Variants in DENND5B observed in about 807,000 individuals in gnomAD.
DENND5B encodes DENN domain containing 5B.
In DENND5B, 34 loss-of-function variants were observed where a neutral mutation model predicts 140.6. That is an observed-to-expected ratio of 0.24 (90% CI 0.18 to 0.32). DENND5B has a LOEUF of 0.32. Ranked by LOEUF, DENND5B falls within the 10% of genes least tolerant of loss-of-function variation. The pLI, the probability that DENND5B is intolerant of heterozygous loss-of-function variation, is 1.00. For missense variants in DENND5B, 1,142 were observed against 1,560.2 expected (o/e 0.73, Z 4.52); for synonymous variants, 551 against 562.1 (o/e 0.98, Z 0.28).
intron 1 of DENND5B, among the ~76,000 whole-genome samples, chr12:31,562,939 T>C (rs1949524641): frequency 6.6e-6 from 1 of 152,102 alleles, no homozygotes; most frequent in African/African-American, 2.4e-5. Flanking sequence ...TTTTTTTTTT[T>C]TTAACAAATT....
chr12:31,490,613 G>GAA (rs10661199), intron 2 of DENND5B, among the ~76,000 whole-genome samples: 3,282 of 148,308 alleles, frequency 0.022, 119 homozygotes, highest in African/African-American at 0.077. Flanking sequence ...CCTGTCTCAA[G>GAA]AAAAAAAAAA....
intron 17 of DENND5B, 37 bp downstream of exon 17, chr12:31,398,138 T>C: frequency 6.5e-7 from 1 of 1,539,922 alleles, no homozygotes; most frequent in East Asian, 2.4e-5. Context: ...GAAGCCTACA[T>C]CATAGGAGCA....
chr12:31,423,316 T>C (rs1477311924), intron 11 of DENND5B, among the ~76,000 whole-genome samples: 1 of 152,130 alleles, frequency 6.6e-6, no homozygotes, highest in Non-Finnish European at 1.5e-5. Flanking sequence ...TACAATTCAT[T>C]GGGGGTTTTC....
At chr12:31,566,971 C>T (rs1288941396) in intron 1 of DENND5B, among the ~76,000 whole-genome samples, 1 of 152,134 alleles carries the variant, frequency 6.6e-6, no homozygotes, top group Non-Finnish European at 1.5e-5. Flanking sequence ...GGTTAGAACC[C>T]AGTGCAAGCA....
At chr12:31,399,053 C>G (rs1941640927) in intron 16 of DENND5B, among the ~76,000 whole-genome samples, 1 of 136,788 alleles carries the variant, frequency 7.3e-6, no homozygotes, top group Non-Finnish European at 1.5e-5. Context: ...ACCTGGGAGG[C>G]AGAGGTTGCA....
At chr12:31,458,768 C>T (rs1353485889) in intron 4 of DENND5B, among the ~76,000 whole-genome samples, 1 of 152,116 alleles carries the variant, frequency 6.6e-6, no homozygotes, top group Non-Finnish European at 1.5e-5. Flanking sequence ...AGGTGAATCT[C>T]AGCATGAGAT....
chr12:31,569,671 G>A (rs181088527), intron 1 of DENND5B, among the ~76,000 whole-genome samples: 1 of 152,210 alleles, frequency 6.6e-6, no homozygotes, highest in Non-Finnish European at 1.5e-5. Context: ...AATTAGCCGA[G>A]TATGGTGGTA....
chr12:31,563,757 T>A (rs933601414), intron 1 of DENND5B, among the ~76,000 whole-genome samples: 1 of 152,202 alleles, frequency 6.6e-6, no homozygotes, highest in African/African-American at 2.4e-5. Flanking sequence ...TGCAAATGCC[T>A]TTTGCAAATA....
At chr12:31,463,711 G>C (rs1304568869) in intron 3 of DENND5B, among the ~76,000 whole-genome samples, 1 of 152,006 alleles carries the variant, frequency 6.6e-6, no homozygotes, top group African/African-American at 2.4e-5. Flanking sequence ...GCCCAGGCTG[G>C]AGCGCAATGG....
intron 1 of DENND5B, among the ~76,000 whole-genome samples, chr12:31,555,087 C>T (rs777916328): frequency 4.6e-5 from 7 of 152,136 alleles, no homozygotes; most frequent in Admixed American, 1.3e-4. Flanking sequence ...AGCTTTGTTC[C>T]GTTGCTGGTG....
intron 17 of DENND5B, among the ~76,000 whole-genome samples, chr12:31,395,000 G>C (rs979082871): frequency 6.6e-6 from 1 of 151,992 alleles, no homozygotes; most frequent in Non-Finnish European, 1.5e-5. Context: ...CTTTTATAGA[G>C]ATCTGATATA....
chr12:31,495,291 A>G (rs1946712435), intron 2 of DENND5B, among the ~76,000 whole-genome samples: 1 of 152,176 alleles, frequency 6.6e-6, no homozygotes, highest in African/African-American at 2.4e-5. Flanking sequence ...TATTGTATAA[A>G]CTTATTAACT....
intron 17 of DENND5B, 39 bp downstream of exon 17, chr12:31,398,136 C>T (rs754170015): frequency 1.3e-6 from 2 of 1,534,764 alleles, no homozygotes; most frequent in South Asian, 1.2e-5. Flanking sequence ...ATGAAGCCTA[C>T]ATCATAGGAG....
Position 31,447,559 on chromosome 12 carries a change from A to G in DENND5B, c.1840T>C (p.Cys614Arg). 6.2e-7 allele frequency: 1 copy of G among 1,611,616 alleles called. No individual in the cohort carries two copies. The highest frequency in any genetic ancestry group is 8.5e-7 in the Non-Finnish European group (1 of 1,178,600). ...GTACCTGCTTCTTTTAAAGTGCTGC[A>G]TTTCTGATATATAGATGTCCGCAAG... Reference protein sequence around the residue: ...PTLRTSIYQKCSTLKEAAQSI... With the variant: ...PTLRTSIYQKRSTLKEAAQSI... The change falls in exon 6 of 21, where the codon TGC (cysteine) becomes CGC (arginine). Residue 614 changes from cysteine to arginine, a missense_variant. Cys to Arg is a radical substitution (Grantham distance 180). This residue lies in a region of DENND5B where 708 missense variants were observed against 905.5 expected (regional missense o/e 0.78). Transcript: ENST00000389082.
At chr12:31,544,755 G>C (rs12368875) in intron 1 of DENND5B, among the ~76,000 whole-genome samples, 2 of 152,048 alleles carry the variant, frequency 1.3e-5, no homozygotes, top group Admixed American at 6.6e-5. Flanking sequence ...TACAGCTTGA[G>C]ACAATCAGAC....
chr12:31,574,323 T>C (rs1292481954), intron 1 of DENND5B, among the ~76,000 whole-genome samples: 3 of 133,522 alleles, frequency 2.2e-5, no homozygotes, highest in African/African-American at 8.2e-5. Flanking sequence ...CCAGGCGCGG[T>C]GGCTCCCTGT....
chr12:31,514,710 G>A lies in DENND5B; in HGVS notation c.128-18791C>T, dbSNP rs148292392. Among the ~76,000 whole-genome samples the A allele has an allele frequency of 5.6e-3, 848 of 152,146 alleles. 4 individuals are homozygous for A. The highest frequency in any genetic ancestry group is 0.031 in the Middle Eastern group (9 of 294). The stretch of plus-strand genomic sequence containing the variant: ...CGCGTGCCTGTAATCCCAGCTACTC[G>A]GGAGGCTAGGGCAGGAGAATCACTT... On this transcript the variant is annotated intron_variant, in intron 1 of 20. Coordinates refer to ENST00000389082, the MANE Select transcript of DENND5B (RefSeq NM_144973.4).
At chr12:31,397,275 G>A (rs911266692) in intron 17 of DENND5B, among the ~76,000 whole-genome samples, 5 of 152,144 alleles carry the variant, frequency 3.3e-5, no homozygotes, top group African/African-American at 4.8e-5. Context: ...TGGGGCGGGC[G>A]TGGTGGCTCA....
At chr12:31,541,801 T>C (rs1235714264) in intron 1 of DENND5B, among the ~76,000 whole-genome samples, 3 of 152,182 alleles carry the variant, frequency 2.0e-5, no homozygotes, top group Non-Finnish European at 4.4e-5. Flanking sequence ...GCAACCTAAG[T>C]GTCCATCAAC....
Sources: gnomAD v4.1 joint callset for allele counts (sites outside exome capture counted in the v4.1 genomes callset) on GRCh38, gnomAD v4.1.1 for gene constraint, gnomAD v4.1.1 regional missense constraint, MANE v1.5 for transcripts, NCBI Gene and HGNC (gene_info 2026-07-23, HGNC 2026-07-21) for gene names.